Variants in SHCBP1L observed in about 807,000 individuals in gnomAD.
The protein encoded by SHCBP1L is testicular spindle-associated protein SHCBP1L.
A neutral mutation model predicts 62.5 loss-of-function variants in SHCBP1L; 67 were observed. That is an observed-to-expected ratio of 1.07 (90% confidence interval 0.88 to 1.31). SHCBP1L has a LOEUF of 1.31. Among genes scored for constraint, SHCBP1L ranks in the 40% most tolerant of loss-of-function variants. The pLI, the probability that SHCBP1L is intolerant of heterozygous loss-of-function variation, is 0.00. For synonymous variants in SHCBP1L, 284 were observed against 289.4 expected, an observed-to-expected ratio of 0.98 and a Z score of 0.19; for missense variants, 823 against 809.8, an observed-to-expected ratio of 1.02 and a Z score of -0.20.
rs142010218 is a variant in SHCBP1L, at chr1:182,951,434, G to C, written c.439C>G (p.Leu147Val). Residue 147 changes from leucine to valine, a missense_variant, in exon 2 of 10, where the codon CTA (leucine) becomes GTA (valine). Transcript: ENST00000367547. ...EDADEVMGKYLSEKLKLKDKW... is the reference protein window; with the variant it reads ...EDADEVMGKYVSEKLKLKDKW... ...TCTTTCAACTTTAATTTTTCTGATAGGTATTTACCCATAACTTCATCAGCA... is the reference window on the plus strand; with the variant it reads ...TCTTTCAACTTTAATTTTTCTGATACGTATTTACCCATAACTTCATCAGCA... 2.3e-4 allele frequency: 372 copies of C among 1,605,018 alleles called. 2 individuals carry two copies. In the African/African-American group the frequency reaches 4.6e-3, roughly 20 times the overall value.
At chr1:182,928,224 G>A (rs185036631) in intron 6 of SHCBP1L, among the ~76,000 whole-genome samples, 117 of 152,004 alleles carry the variant, frequency 7.7e-4, no homozygotes, top group Non-Finnish European at 1.4e-3. Flanking sequence ...CCTTCTTTCG[G>A]TTCCTCATAT....
chr1:182,900,830 C>T (rs111639425), intron 9 of SHCBP1L, among the ~76,000 whole-genome samples: 135 of 151,472 alleles, frequency 8.9e-4, no homozygotes, highest in African/African-American at 3.2e-3. Context: ...CCCAGGAGTT[C>T]GAGACCTGCC....
chr1:182,952,542 A>T, intron 1 of SHCBP1L, 187 bp downstream of exon 1: 1 of 645,068 alleles, frequency 1.6e-6, no homozygotes, highest in Non-Finnish European at 2.4e-6. Context: ...TAACTCCTCT[A>T]GGGCAGGACG....
At position 182,952,761 on chromosome 1, in the gene SHCBP1L, G is replaced by A. The variant is rs963844752; in HGVS notation, c.373C>T (p.Leu125=). ...RGMWRDEKVS[L]YCDEVLQDCK... is the part of the protein sequence containing the mutation. ...TCCTGCAGCACTTCGTCGCAATACA[G>A]CGACACCTTCTCGTCCCGCCACATC... Residue 125 remains leucine (L), a synonymous_variant, in exon 1 of 10, where the codon CTG becomes TTG. Coordinates refer to ENST00000367547, the MANE Select transcript of SHCBP1L (RefSeq NM_030933.4). The A allele has an allele frequency of 2.5e-6, 4 of 1,611,856 alleles. No individual in the cohort carries two copies. The highest frequency in any genetic ancestry group is 3.4e-6 in the Non-Finnish European group (4 of 1,179,222).
rs1231601835 is a variant in SHCBP1L at position 182,901,007 on chromosome 1, A to T, written c.1711-773T>A. Among the ~76,000 whole-genome samples, 3 of 152,246 alleles carry T rather than the reference A, an allele frequency of 2.0e-5. No homozygotes were observed. In the East Asian group the frequency reaches 5.8e-4, roughly 29 times the overall value. On this transcript the variant is annotated intron_variant, in intron 9 of 9. Coordinates refer to ENST00000367547, the MANE Select transcript of SHCBP1L (RefSeq NM_030933.4). ...GCTGATCTCTTATAACATAATAAAC[A>T]TGAAAATAAGTAATTTCAAATAATA... is the stretch of plus-strand genomic sequence containing the variant.
chr1:182,951,862 G>C lies in SHCBP1L; in HGVS notation c.406-395C>G. ...TATCAGATATGTATTTTCTATAAAA[G>C]AAAGTCATGCCACCAGGCACGGTGG... is the stretch of plus-strand genomic sequence containing the variant. On this transcript the variant is annotated intron_variant, in intron 1 of 9. Coordinates refer to ENST00000367547, the MANE Select transcript of SHCBP1L (RefSeq NM_030933.4). 9.2e-6 allele frequency: 3 copies of C among 327,740 alleles called. No homozygotes were observed. The Admixed American group carries it at 1.2e-4, about 14-fold the overall frequency. 20.3% of individuals were successfully genotyped at this position (327,740 alleles called of 1,614,324 possible).
chr1:182,930,545 GTGTGTGTATA>G (rs1277949707), intron 5 of SHCBP1L, among the ~76,000 whole-genome samples: 1 of 62,882 alleles, frequency 1.6e-5, no homozygotes, highest in African/African-American at 1.4e-4. Flanking sequence ...TGGCTTTAGT[GTGTGTGTATA>G]TATATATATA....
intron 6 of SHCBP1L, among the ~76,000 whole-genome samples, chr1:182,914,422 G>A (rs145277115): frequency 8.0e-4 from 122 of 152,130 alleles, no homozygotes; most frequent in African/African-American, 2.8e-3. Flanking sequence ...TTAAGATACC[G>A]ATGCCTAAAA....
intron 9 of SHCBP1L, among the ~76,000 whole-genome samples, chr1:182,900,519 G>A (rs932519337): frequency 6.6e-6 from 1 of 151,924 alleles, no homozygotes. Context: ...TGCAACCTCC[G>A]CCTCCCGGTT....
chr1:182,928,156 T>C (rs755643543), intron 6 of SHCBP1L, among the ~76,000 whole-genome samples: 4 of 150,432 alleles, frequency 2.7e-5, no homozygotes, highest in Non-Finnish European at 5.9e-5. Flanking sequence ...CAAGACTATC[T>C]AATATGCCAG....
Position 182,899,891 on chromosome 1 carries a change from C to A in SHCBP1L, c.*92G>T. On this transcript the variant is annotated 3_prime_UTR_variant, in exon 10 of 10. Transcript: ENST00000367547. ...GATATTTAAATATTTTTTAATTAAG[C>A]TTTGAATTGAAACTACCATTTCAGT... 2.8e-6 allele frequency: 3 copies of A among 1,062,632 alleles called. No homozygotes were observed. Among genetic ancestry groups the A allele is most frequent in the South Asian group, 2.3e-5 (1 of 43,156 alleles). 65.8% of individuals were successfully genotyped at this position (1,062,632 alleles called of 1,614,324 possible).
intron 5 of SHCBP1L, among the ~76,000 whole-genome samples, chr1:182,936,177 C>T (rs1304602934): frequency 1.4e-5 from 2 of 146,138 alleles, no homozygotes; most frequent in African/African-American, 5.1e-5. Context: ...ATTCTGTCAC[C>T]CAGGCTGGAG....
Position 182,953,087 on chromosome 1 carries a change from G to C in SHCBP1L, c.47C>G (p.Thr16Ser). Reference sequence around the variant, plus strand: ...CTCGCCTCGCCTGTCCGGGCTGATGGTGCGGAATGAGTCCGCGGGCACCGA... The same window carrying C: ...CTCGCCTCGCCTGTCCGGGCTGATGCTGCGGAATGAGTCCGCGGGCACCGA... The part of the protein sequence containing the change: ...KASVPADSFR[T>S]ISPDRRGEKS... The change falls in exon 1 of 10, where the codon ACC becomes AGC. Residue 16 changes from threonine (T) to serine (S), a missense_variant. Thr to Ser is a moderately conservative substitution (Grantham distance 58). Transcript: ENST00000367547. 1.3e-6 allele frequency: 2 copies of C among 1,566,398 alleles called. No individual in the cohort carries two copies. Among genetic ancestry groups the C allele is most frequent in the Non-Finnish European group, 1.7e-6 (2 of 1,163,490 alleles).
intron 6 of SHCBP1L, among the ~76,000 whole-genome samples, chr1:182,913,439 G>A (rs1469745996): frequency 4.6e-5 from 7 of 152,154 alleles, no homozygotes; most frequent in Admixed American, 1.3e-4. Flanking sequence ...CAGGGAGAAA[G>A]CCCCACATAT....
chr1:182,905,651 TAA>T lies in SHCBP1L; in HGVS notation c.1183-4_1183-3del. On this transcript the variant is annotated splice_polypyrimidine_tract_variant and splice_region_variant and intron_variant, in intron 6 of 9. Coordinates refer to ENST00000367547, the MANE Select transcript of SHCBP1L (RefSeq NM_030933.4). ...TGTGTCTGAAGATAAATCCTTTATCTAAAAAGAAATAAAACACTTGCGCTTTC... is the reference window on the plus strand; with the variant it reads ...TGTGTCTGAAGATAAATCCTTTATCTAAAGAAATAAAACACTTGCGCTTTC... 6.2e-7 allele frequency: 1 copy of T among 1,608,598 alleles called. No homozygotes were observed.
chr1:182,943,161 G>A (rs529394664), intron 2 of SHCBP1L, among the ~76,000 whole-genome samples: 3 of 151,744 alleles, frequency 2.0e-5, no homozygotes, highest in African/African-American at 7.3e-5. Flanking sequence ...CTGTTGCCCA[G>A]GCTAAAGTGC....
chr1:182,942,314 G>A, intron 2 of SHCBP1L: 2 of 879,132 alleles, frequency 2.3e-6, no homozygotes, highest in South Asian at 2.6e-5. Flanking sequence ...TTCCACTGTT[G>A]CAGGAGGCTT....
intron 6 of SHCBP1L, among the ~76,000 whole-genome samples, chr1:182,909,091 T>C (rs891690016): frequency 6.6e-6 from 1 of 152,204 alleles, no homozygotes; most frequent in Admixed American, 6.5e-5. Context: ...CCTCTGTAAA[T>C]AAATAATTTG....
chr1:182,952,233 T>TATATATAC (rs1651795504), intron 1 of SHCBP1L, among the ~76,000 whole-genome samples: 1 of 55,778 alleles, frequency 1.8e-5, no homozygotes, highest in Non-Finnish European at 2.8e-5. Flanking sequence ...TATATATATA[T>TATATATAC]ATACACACAC....
Sources: allele counts gnomAD v4.1 joint callset (sites outside exome capture counted in the v4.1 genomes callset), GRCh38; gene constraint gnomAD v4.1.1; transcripts MANE v1.5; gene names NCBI Gene and HGNC (gene_info 2026-07-23, HGNC 2026-07-21).